Variants in VPS11 observed in about 807,000 individuals in gnomAD.
The protein encoded by VPS11 is vacuolar protein sorting-associated protein 11 homolog.
Under a neutral mutation model 106.8 loss-of-function variants are expected in VPS11, and 51 were observed. That is an observed-to-expected ratio of 0.48 (90% confidence interval 0.38 to 0.60). VPS11 has a LOEUF of 0.60. Ranked by LOEUF, VPS11 falls within the 20% of genes least tolerant of loss-of-function variation. The pLI is 0.00. For synonymous variants in VPS11, 453 were observed against 458.7 expected, an observed-to-expected ratio of 0.99 and a Z score of 0.16; for missense variants, 950 against 1,190.0, an observed-to-expected ratio of 0.80 and a Z score of 2.97.
At chr11:119,077,763 G>A in intron 9 of VPS11, 115 bp from the exon 10 acceptor site, 1 of 1,548,382 alleles carries the variant, frequency 6.5e-7, no homozygotes, top group South Asian at 1.3e-5. Flanking sequence ...GTGGAGGTGA[G>A]ACTCTCAACT....
At position 119,078,583 on chromosome 11, in the gene VPS11, G is replaced by T. The variant is rs782051419; in HGVS notation, c.1942G>T (p.Ala648Ser). ...TCTCCAGGTCAAAGAGAAGCTTCAC[G>T]CAGAGGCCATTTCCCTGCTGAAGAG... is the stretch of plus-strand genomic sequence containing the variant. ...KDPQVKEKLH[A>S]EAISLLKSGR... The change falls in exon 12 of 16, where the codon GCA becomes TCA. Residue 648 changes from alanine to serine, a missense_variant. Coordinates refer to ENST00000621676, the MANE Select transcript of VPS11 (RefSeq NM_021729.6). The T allele has an allele frequency of 6.2e-7, 1 of 1,611,462 alleles. No homozygotes were observed. The highest frequency in any genetic ancestry group is 1.1e-5 in the South Asian group (1 of 91,042).
chr11:119,072,055 T>C (rs1041838041), intron 5 of VPS11: 1 of 523,118 alleles, frequency 1.9e-6, no homozygotes, highest in Non-Finnish European at 3.3e-6. Context: ...CAGCCTCGCC[T>C]CCTGGGTTCC....
At chr11:119,071,249 A>T (rs1234911604) in intron 4 of VPS11, among the ~76,000 whole-genome samples, 1 of 152,156 alleles carries the variant, frequency 6.6e-6, no homozygotes, top group Non-Finnish European at 1.5e-5. Flanking sequence ...CTAACTTTTT[A>T]AATGACGTTG....
rs1945862023 is a variant in VPS11, at chr11:119,081,766, G to A, written c.*143G>A. 1 of 1,154,928 alleles carries A rather than the reference G, an allele frequency of 8.7e-7. No homozygotes were observed. Among genetic ancestry groups the A allele is most frequent in the African/African-American group, 1.6e-5 (1 of 64,018 alleles). The allele number at this position is 1,154,928 out of a possible 1,614,324, so 71.5% of individuals were successfully genotyped here. A position where few individuals can be genotyped will look rare whatever the true frequency, so the allele number is the denominator to read the frequency against. On this transcript the variant is annotated 3_prime_UTR_variant, in exon 16 of 16. Coordinates refer to ENST00000621676, the MANE Select transcript of VPS11 (RefSeq NM_021729.6). Reference sequence around the variant, plus strand: ...TGTCACAGCCCTCAGAACTAAAGCGGACTTTCTTTCCCTGCCTTCTTATTT... The same window carrying A: ...TGTCACAGCCCTCAGAACTAAAGCGAACTTTCTTTCCCTGCCTTCTTATTT...
rs782369566 is a variant in VPS11 at position 119,071,774 on chromosome 11, A to C, written c.815A>C (p.His272Pro). 8.1e-6 allele frequency: 13 copies of C among 1,613,858 alleles called. No homozygotes were observed. Among genetic ancestry groups the C allele is most frequent in the Non-Finnish European group, 1.1e-5 (13 of 1,179,896 alleles). ...GGGCCCTGCTTCGCCTTTGAGGGCCATAAGCTCATTGCCCACTGGTTTAGA... is the reference window on the plus strand; with the variant it reads ...GGGCCCTGCTTCGCCTTTGAGGGCCCTAAGCTCATTGCCCACTGGTTTAGA... ...ERGPCFAFEG[H>P]KLIAHWFRGY... Residue 272 changes from histidine to proline, a missense_variant, in exon 5 of 16, where the codon CAT (histidine) becomes CCT (proline). By Grantham distance (77) the His-to-Pro change is moderately conservative. This residue lies in a region of VPS11 where 435 missense variants were observed against 630.2 expected (regional missense o/e 0.69). Transcript: ENST00000621676.
chr11:119,069,385 G>C (rs1382733832), intron 2 of VPS11, 41 bp downstream of exon 2: 1 of 1,613,644 alleles, frequency 6.2e-7, no homozygotes, highest in Non-Finnish European at 8.5e-7. Flanking sequence ...CAGAAGCCTA[G>C]GAATGATTTT....
chr11:119,080,747 A>G (rs1945820927), intron 14 of VPS11, among the ~76,000 whole-genome samples: 1 of 152,188 alleles, frequency 6.6e-6, no homozygotes, highest in South Asian at 2.1e-4. Flanking sequence ...GAGTGGGAGA[A>G]GTGTGTTAAC....
At chr11:119,073,544 A>G in intron 6 of VPS11, 145 bp downstream of exon 6, 4 of 1,106,612 alleles carry the variant, frequency 3.6e-6, no homozygotes, top group Non-Finnish European at 5.0e-6. Flanking sequence ...TTATAAGGTA[A>G]ATGGCCTGGG....
At position 119,077,968 on chromosome 11, in the gene VPS11, C is replaced by T. The variant is rs782076833; in HGVS notation, c.1663C>T (p.His555Tyr). Residue 555 changes from histidine (H) to tyrosine (Y), a missense_variant, in exon 10 of 16, where the codon CAC becomes TAC. Transcript: ENST00000621676. ...MKRYGKILMH[H>Y]IPEQTTQLLK... is the part of the protein sequence containing the mutation. The stretch of plus-strand genomic sequence containing the variant: ...GCGCTACGGCAAGATCCTCATGCAC[C>T]ACATACCAGAGCAGACAACTCAGTT... 5 of 1,613,966 alleles carry T rather than the reference C, an allele frequency of 3.1e-6. No homozygotes were observed. Among genetic ancestry groups the T allele is most frequent in the Non-Finnish European group, 8.5e-7 (1 of 1,179,906 alleles).
intron 1 of VPS11, 127 bp downstream of exon 1, chr11:119,068,137 T>A: frequency 9.0e-7 from 1 of 1,106,606 alleles, no homozygotes; most frequent in South Asian, 1.7e-5. Flanking sequence ...CCAGAGTTGT[T>A]CTGTGGTCTA....
At chr11:119,081,008 C>A in intron 14 of VPS11, 84 bp from the exon 15 acceptor site, 1 of 1,262,464 alleles carries the variant, frequency 7.9e-7, no homozygotes, top group Non-Finnish European at 1.1e-6. Context: ...TTGCCCTGTG[C>A]ACTTCAGCTG....
chr11:119,078,442 T>A, intron 11 of VPS11, 108 bp downstream of exon 11: 1 of 1,569,048 alleles, frequency 6.4e-7, no homozygotes, highest in Non-Finnish European at 8.6e-7. Flanking sequence ...ACACCTTACC[T>A]CGGGGCTCAA....
chr11:119,078,392 G>C, intron 11 of VPS11, 58 bp downstream of exon 11: 1 of 1,590,860 alleles, frequency 6.3e-7, no homozygotes, highest in South Asian at 1.1e-5. Flanking sequence ...CCATTCTTCC[G>C]TCTTGGTGGC....
At chr11:119,077,703 C>T in intron 9 of VPS11, 56 bp downstream of exon 9, 3 of 1,546,028 alleles carry the variant, frequency 1.9e-6, no homozygotes, top group African/African-American at 1.4e-5. Context: ...GTTGCCCAGG[C>T]TGGAGTTGAA....
chr11:119,075,571 G>T (rs1192132959), intron 7 of VPS11, among the ~76,000 whole-genome samples: 1 of 148,280 alleles, frequency 6.7e-6, no homozygotes, highest in Admixed American at 6.7e-5. Flanking sequence ...AAAATACAAG[G>T]CCAGGCGTGG....
In VPS11 at chr11:119,077,057, A is replaced by G; in HGVS notation, c.1399A>G (p.Ser467Gly). 1 of 1,613,186 alleles carries G rather than the reference A, an allele frequency of 6.2e-7. No homozygotes were observed. Among genetic ancestry groups the G allele is most frequent in the Non-Finnish European group, 8.5e-7 (1 of 1,179,512 alleles). Reference sequence around the variant, plus strand: ...CAACTGCTATACCAAGCTCAAGGACAGCTCGAAGCTGGAGGAGTTCATCAA... The same window carrying G: ...CAACTGCTATACCAAGCTCAAGGACGGCTCGAAGCTGGAGGAGTTCATCAA... Reference protein sequence around the residue: ...LLNCYTKLKDSSKLEEFIKKK... With the variant: ...LLNCYTKLKDGSKLEEFIKKK... The change falls in exon 8 of 16, where the codon AGC (serine) becomes GGC (glycine). Residue 467 changes from serine to glycine, a missense_variant. Transcript: ENST00000621676.
chr11:119,071,442 G>A (rs980934926), intron 4 of VPS11, among the ~76,000 whole-genome samples, 154 bp from the exon 5 acceptor site: 1 of 152,092 alleles, frequency 6.6e-6, no homozygotes, highest in African/African-American at 2.4e-5. Flanking sequence ...TTTAATAGAT[G>A]GGTAATGGTT....
In VPS11 at chr11:119,081,795, C is replaced by A; in HGVS notation, c.*172C>A. The A allele has an allele frequency of 1.1e-6, 1 of 901,236 alleles. No homozygotes were observed. The allele number at this position is 901,236 out of a possible 1,614,324, so 55.8% of individuals were successfully genotyped here. ...TTCTTTCCCTGCCTTCTTATTTAGT[C>A]AGCTTGCCATCCCTCCTCTTCACTA... On this transcript the variant is annotated 3_prime_UTR_variant, in exon 16 of 16. Transcript: ENST00000621676.
At chr11:119,068,610 C>T (rs1360830315) in intron 1 of VPS11, among the ~76,000 whole-genome samples, 1 of 151,860 alleles carries the variant, frequency 6.6e-6, no homozygotes, top group Non-Finnish European at 1.5e-5. Flanking sequence ...CCACACCCGG[C>T]TAATTTTTTA....
Sources: gnomAD v4.1 joint callset for allele counts (sites outside exome capture counted in the v4.1 genomes callset) on GRCh38, gnomAD v4.1.1 for gene constraint, gnomAD v4.1.1 regional missense constraint, MANE v1.5 for transcripts, NCBI Gene and HGNC (gene_info 2026-07-23, HGNC 2026-07-21) for gene names.